TMEM132D: variants seen among roughly 807,000 people sequenced by gnomAD.
The protein encoded by TMEM132D is mature OL transmembrane protein.
In TMEM132D, 21 loss-of-function variants were observed where a neutral mutation model predicts 62.3. That is an observed-to-expected ratio of 0.34 (90% confidence interval 0.24 to 0.49). TMEM132D has a LOEUF of 0.49. Among genes scored for constraint, TMEM132D ranks in the 20% least tolerant of loss-of-function variants. The pLI is 0.99. For synonymous variants in TMEM132D, 621 were observed against 575.6 expected (o/e 1.08, Z -1.13); for missense variants, 1,346 against 1,402.8 (o/e 0.96, Z 0.65).
rs61943381 is a variant in TMEM132D, at chr12:129,766,291, C to G, written c.80-65593G>C. 7.9e-3 allele frequency among the ~76,000 whole-genome samples: 1,206 copies of G among 152,280 alleles called. 16 individuals are homozygous for G. Among genetic ancestry groups the G allele is most frequent in the Admixed American group, 0.012 (185 of 15,292 alleles). ...ACTTATACTCACTAGAATCCATTCC[C>G]TCCCCACAATAAAATGGTAAAGCCT... On this transcript the variant is annotated intron_variant, in intron 1 of 8. Transcript: ENST00000422113.
intron 3 of TMEM132D, among the ~76,000 whole-genome samples, chr12:129,445,375 G>A (rs1476318309): frequency 2.0e-5 from 3 of 152,068 alleles, no homozygotes; most frequent in African/African-American, 7.2e-5. Context: ...CTTAATACCC[G>A]AGTGACTGAA....
chr12:129,679,161 A>G (rs1451382162), intron 2 of TMEM132D, among the ~76,000 whole-genome samples: 2 of 151,948 alleles, frequency 1.3e-5, no homozygotes, highest in Non-Finnish European at 2.9e-5. Flanking sequence ...TTGGAGTTAC[A>G]TTGGCTCTAT....
intron 2 of TMEM132D, among the ~76,000 whole-genome samples, chr12:129,594,954 T>G (rs1472818572): frequency 6.6e-6 from 1 of 152,198 alleles, no homozygotes; most frequent in African/African-American, 2.4e-5. Context: ...GGGTTTATAA[T>G]CACAGACAGG....
chr12:129,731,138 C>T (rs1427414181), intron 1 of TMEM132D, among the ~76,000 whole-genome samples: 1 of 152,036 alleles, frequency 6.6e-6, no homozygotes, highest in African/African-American at 2.4e-5. Flanking sequence ...CCATTCAGTC[C>T]ACGGTAGAAG....
chr12:129,573,300 G>A (rs954003615), intron 2 of TMEM132D, among the ~76,000 whole-genome samples: 1 of 152,214 alleles, frequency 6.6e-6, no homozygotes, highest in Non-Finnish European at 1.5e-5. Flanking sequence ...GGAGAGCTGA[G>A]ATGAAAGCTC....
intron 2 of TMEM132D, among the ~76,000 whole-genome samples, chr12:129,557,396 G>A (rs1378626203): frequency 1.3e-5 from 2 of 152,188 alleles, no homozygotes; most frequent in African/African-American, 4.8e-5. Flanking sequence ...AAGGGGTGAA[G>A]AGGTACAAAC....
intron 1 of TMEM132D, among the ~76,000 whole-genome samples, chr12:129,737,675 T>C (rs1019413406): frequency 3.3e-5 from 5 of 152,246 alleles, no homozygotes; most frequent in Admixed American, 3.3e-4. Context: ...CTCTGGCCCC[T>C]ATAAAATTTG....
At chr12:129,326,544 G>A (rs1241707519) in intron 4 of TMEM132D, among the ~76,000 whole-genome samples, 1 of 152,170 alleles carries the variant, frequency 6.6e-6, no homozygotes, top group Non-Finnish European at 1.5e-5. Context: ...CTTTTTATTG[G>A]AACTGTTACA....
intron 2 of TMEM132D, among the ~76,000 whole-genome samples, chr12:129,628,518 C>A (rs935460008): frequency 1.3e-5 from 2 of 152,182 alleles, no homozygotes; most frequent in African/African-American, 4.8e-5. Context: ...CTTCTTCATT[C>A]CACAAATAAA....
chr12:129,350,695 TC>T (rs1392775048), intron 3 of TMEM132D, among the ~76,000 whole-genome samples: 1 of 152,218 alleles, frequency 6.6e-6, no homozygotes, highest in African/African-American at 2.4e-5. Flanking sequence ...TTCCTCCACT[TC>T]CAGTTGCCCT....
chr12:129,088,060 A>C (rs34394412), intron 5 of TMEM132D, among the ~76,000 whole-genome samples: 63 of 39,294 alleles, frequency 1.6e-3, no homozygotes, highest in African/African-American at 7.8e-3. Context: ...GGTGTCCTCC[A>C]TGACCGGGGT....
intron 2 of TMEM132D, among the ~76,000 whole-genome samples, chr12:129,637,271 A>G (rs1466132403): frequency 6.6e-6 from 1 of 152,206 alleles, no homozygotes; most frequent in African/African-American, 2.4e-5. Context: ...TTACACTGAA[A>G]AACAAATTTG....
intron 2 of TMEM132D, among the ~76,000 whole-genome samples, chr12:129,607,937 G>C (rs578223192): frequency 1.3e-5 from 2 of 152,278 alleles, no homozygotes; most frequent in East Asian, 3.9e-4. Context: ...TATTGTACCA[G>C]ATAATCACAC....
At chr12:129,800,688 A>C (rs566330737) in intron 1 of TMEM132D, among the ~76,000 whole-genome samples, 1 of 152,086 alleles carries the variant, frequency 6.6e-6, no homozygotes, top group Non-Finnish European at 1.5e-5. Context: ...TTGCCTGTTT[A>C]AAGTAATTAC....
chr12:129,883,755 A>G (rs1427481157), intron 1 of TMEM132D, among the ~76,000 whole-genome samples: 1 of 152,216 alleles, frequency 6.6e-6, no homozygotes, highest in African/African-American at 2.4e-5. Flanking sequence ...ATACGGTCAG[A>G]CAACCTTGAC....
At chr12:129,730,530 T>C (rs1452009035) in intron 1 of TMEM132D, among the ~76,000 whole-genome samples, 1 of 152,150 alleles carries the variant, frequency 6.6e-6, no homozygotes, top group Non-Finnish European at 1.5e-5. Flanking sequence ...CACTCATTCA[T>C]TTATTCACTC....
At chr12:129,699,421 G>T (rs1322893896) in intron 2 of TMEM132D, among the ~76,000 whole-genome samples, 1 of 152,172 alleles carries the variant, frequency 6.6e-6, no homozygotes, top group African/African-American at 2.4e-5. Flanking sequence ...TGTCCTTTCT[G>T]ACAACTGTTG....
chr12:129,465,952 G>A (rs1472656378), intron 3 of TMEM132D, among the ~76,000 whole-genome samples: 2 of 152,176 alleles, frequency 1.3e-5, no homozygotes, highest in African/African-American at 2.4e-5. Context: ...CAAAGTGCTA[G>A]GATTACAGGC....
intron 5 of TMEM132D, among the ~76,000 whole-genome samples, chr12:129,102,232 C>T (rs1040046333): frequency 8.5e-5 from 13 of 152,148 alleles, no homozygotes; most frequent in African/African-American, 3.1e-4. Flanking sequence ...ATGAGTCTTG[C>T]GTACGCAGAG....
Sources: allele counts gnomAD v4.1 joint callset (sites outside exome capture counted in the v4.1 genomes callset), GRCh38; gene constraint gnomAD v4.1.1; transcripts MANE v1.5; gene names NCBI Gene and HGNC (gene_info 2026-07-23, HGNC 2026-07-21).